The following NTM variants were observed in gnomAD, a reference collection of about 807,000 sequenced individuals.
NTM encodes neurotrimin.
A neutral mutation model predicts 42.1 loss-of-function variants in NTM; 13 were observed. The ratio of observed to expected loss-of-function variants is 0.31; its 90% CI spans 0.20 to 0.49. The LOEUF (loss-of-function observed/expected upper bound fraction) is 0.49. NTM is among the 20% of genes least tolerant of loss of function. The pLI is 0.99. For missense variants in NTM, 373 were observed against 452.8 expected (o/e 0.82, Z 1.60); for synonymous variants, 187 against 179.2 (o/e 1.04, Z -0.35).
chr11:132,117,146 A>C (rs898670078), intron 2 of NTM, among the ~76,000 whole-genome samples: 15 of 152,226 alleles, frequency 9.9e-5, no homozygotes, highest in African/African-American at 3.6e-4. Flanking sequence ...TTCATTTAAA[A>C]TGATTGTTTT....
At chr11:132,158,922 G>A (rs2073760399) in intron 3 of NTM, among the ~76,000 whole-genome samples, 1 of 152,176 alleles carries the variant, frequency 6.6e-6, no homozygotes, top group Non-Finnish European at 1.5e-5. Context: ...AAAGAAAACA[G>A]GAATGATAGA....
intron 1 of NTM, among the ~76,000 whole-genome samples, chr11:131,849,208 A>G (rs1484480082): frequency 6.6e-6 from 1 of 152,162 alleles, no homozygotes; most frequent in Non-Finnish European, 1.5e-5. Flanking sequence ...TAATTTGAGC[A>G]CTTGTTCCTA....
At chr11:131,789,644 A>G (rs2090508156) in intron 1 of NTM, among the ~76,000 whole-genome samples, 1 of 129,698 alleles carries the variant, frequency 7.7e-6, no homozygotes, top group African/African-American at 2.9e-5. Flanking sequence ...GAAAAGAAGA[A>G]GAAGAAGAAG....
At chr11:131,666,049 A>G (rs77504914) in intron 1 of NTM, among the ~76,000 whole-genome samples, 465 of 152,364 alleles carry the variant, frequency 3.1e-3, no homozygotes, top group African/African-American at 0.011. Context: ...TGTGTGGTAT[A>G]TATTAGGCTA....
chr11:131,907,753 A>T (rs2054075536), intron 1 of NTM, among the ~76,000 whole-genome samples: 1 of 152,208 alleles, frequency 6.6e-6, no homozygotes, highest in Non-Finnish European at 1.5e-5. Flanking sequence ...ATTGCTTTGA[A>T]TGTCATCCCT....
chr11:132,303,023 A>G (rs1458580858), intron 4 of NTM, among the ~76,000 whole-genome samples: 1 of 152,236 alleles, frequency 6.6e-6, no homozygotes, highest in Non-Finnish European at 1.5e-5. Flanking sequence ...TACTGCAGAC[A>G]GACTATGTAC....
At chr11:131,832,664 AGATGATT>A (rs1565607900) in intron 1 of NTM, among the ~76,000 whole-genome samples, 1 of 152,176 alleles carries the variant, frequency 6.6e-6, no homozygotes, top group Non-Finnish European at 1.5e-5. Flanking sequence ...CCGTGGCCTT[AGATGATT>A]GATGAAGGCT....
intron 7 of NTM, among the ~76,000 whole-genome samples, chr11:132,318,944 C>T (rs2095497803): frequency 6.6e-6 from 1 of 152,114 alleles, no homozygotes; most frequent in Non-Finnish European, 1.5e-5. Context: ...GTGAGGGCTG[C>T]ATTACTCACT....
At chr11:131,554,443 G>T (rs2055117414) in intron 1 of NTM, among the ~76,000 whole-genome samples, 1 of 151,252 alleles carries the variant, frequency 6.6e-6, no homozygotes, top group Non-Finnish European at 1.5e-5. Context: ...GAAAAATTAA[G>T]ATCCTCAGGG....
At chr11:131,562,193 T>A (rs899243772) in intron 1 of NTM, among the ~76,000 whole-genome samples, 3 of 152,038 alleles carry the variant, frequency 2.0e-5, no homozygotes, top group African/African-American at 7.2e-5. Flanking sequence ...CACGCTGACT[T>A]ATGATGGATG....
intron 4 of NTM, among the ~76,000 whole-genome samples, chr11:132,231,198 T>C (rs2087481597): frequency 6.6e-6 from 1 of 152,204 alleles, no homozygotes; most frequent in Non-Finnish European, 1.5e-5. Context: ...AAGATGCAAA[T>C]GTCCATCTTC....
intron 4 of NTM, among the ~76,000 whole-genome samples, chr11:132,289,443 C>A (rs1829751062): frequency 6.6e-6 from 1 of 152,142 alleles, no homozygotes; most frequent in South Asian, 2.1e-4. Flanking sequence ...ATTGCTATAC[C>A]TGATTCCTTT....
intron 1 of NTM, among the ~76,000 whole-genome samples, chr11:131,485,617 T>C (rs1954095007): frequency 6.6e-6 from 1 of 152,236 alleles, no homozygotes; most frequent in Non-Finnish European, 1.5e-5. Flanking sequence ...TGAAGATTTA[T>C]GTTACATCTG....
intron 1 of NTM, among the ~76,000 whole-genome samples, chr11:131,743,984 A>G (rs1210677257): frequency 6.6e-6 from 1 of 152,190 alleles, no homozygotes; most frequent in African/African-American, 2.4e-5. Flanking sequence ...TTAGTTCTTA[A>G]GATGAGACCC....
intron 1 of NTM, among the ~76,000 whole-genome samples, chr11:131,642,022 G>T (rs1281664279): frequency 6.6e-6 from 1 of 152,108 alleles, no homozygotes; most frequent in Non-Finnish European, 1.5e-5. Flanking sequence ...ACTGTGCCCG[G>T]CCCCAATATT....
intron 2 of NTM, among the ~76,000 whole-genome samples, chr11:132,050,574 G>T (rs930906210): frequency 6.6e-6 from 1 of 152,176 alleles, no homozygotes; most frequent in African/African-American, 2.4e-5. Flanking sequence ...ACAAATAATG[G>T]CTTCCAATTG....
rs77305036 is a variant in NTM at position 131,724,964 on chromosome 11, G to C, written c.83-186600G>C. ...GGAGTGAGGGGCTCCGGATGTTCAG[G>C]AGCCATGGGGTAGGTTTACTGTCTG... is the stretch of plus-strand genomic sequence containing the variant. On this transcript the variant is annotated intron_variant, in intron 1 of 8. Coordinates refer to ENST00000683400, the MANE Select transcript of NTM (RefSeq NM_001352005.2). Among the ~76,000 whole-genome samples the C allele has an allele frequency of 3.5e-3, 529 of 152,306 alleles. 25 individuals carry two copies. The East Asian group carries it at 0.081, about 23-fold the overall frequency.
intron 2 of NTM, among the ~76,000 whole-genome samples, chr11:132,045,631 A>G (rs1467638554): frequency 6.6e-6 from 1 of 152,174 alleles, no homozygotes; most frequent in Non-Finnish European, 1.5e-5. Flanking sequence ...AAGGTACGGG[A>G]TATACTTAGC....
At chr11:131,416,977 G>T (rs974398417) in intron 1 of NTM, among the ~76,000 whole-genome samples, 1 of 152,130 alleles carries the variant, frequency 6.6e-6, no homozygotes, top group African/African-American at 2.4e-5. Flanking sequence ...CGTAACCTTG[G>T]GGGAGTCACA....
Sources: allele counts gnomAD v4.1 joint callset (sites outside exome capture counted in the v4.1 genomes callset), GRCh38; gene constraint gnomAD v4.1.1; transcripts MANE v1.5; gene names NCBI Gene and HGNC (gene_info 2026-07-23, HGNC 2026-07-21).